Variants in POLE observed in about 807,000 individuals in gnomAD.
POLE encodes the protein DNA polymerase epsilon, catalytic subunit.
POLE carries 188 observed loss-of-function variants against 279.2 expected under a neutral mutation model. That is an observed-to-expected ratio of 0.67 (90% confidence interval 0.60 to 0.76). The LOEUF (loss-of-function observed/expected upper bound fraction) is 0.76. POLE is among the 30% of genes least tolerant of loss of function. POLE has a pLI of 0.00. For synonymous variants in POLE, 1,214 were observed against 1,172.5 expected (o/e 1.04, Z -0.72); for missense variants, 2,703 against 3,016.7 (o/e 0.90, Z 2.44).
At chr12:132,641,139 G>A (rs1204995767) in intron 39 of POLE, 4 of 447,802 alleles carry the variant, frequency 8.9e-6, no homozygotes, top group African/African-American at 2.0e-5. Context: ...GGCAGAATGC[G>A]AAGTGCTCGG....
rs777492973 is a variant in POLE at position 132,642,158 on chromosome 12, C to T, written c.5173+19G>A. ...AACACCAGCCAGGTCTCATGGGCCT[C>T]GTCCTCCCGCCCACTTACCTGTGGA... On this transcript the variant is annotated intron_variant, in intron 38 of 48. Transcript: ENST00000320574. The T allele has an allele frequency of 8.6e-6, 13 of 1,519,084 alleles. No homozygotes were observed. The African/African-American group carries it at 9.7e-5, about 11-fold the overall frequency. The allele number at this position is 1,519,084 out of a possible 1,614,324, so 94.1% of individuals were successfully genotyped here.
In POLE at chr12:132,641,837, C is replaced by G. The variant is rs760583776; in HGVS notation, c.5188G>C (p.Asp1730His). The G allele has an allele frequency of 1.9e-6, 3 of 1,600,234 alleles. No homozygotes were observed. In the Admixed American group the frequency reaches 5.0e-5, roughly 27 times the overall value. ...GTGTTGACGGCCAGGTTCTGAAGGT[C>G]CAGCTCCACACACACTGCACAGGAA... is the stretch of plus-strand genomic sequence containing the variant. ...GCYSTVCVEL[D>H]LQNLAVNTIL... The change falls in exon 39 of 49, where the codon GAC becomes CAC. Residue 1730 changes from aspartate (D) to histidine (H), a missense_variant. Physicochemically the swap from Asp to His is moderately conservative, Grantham distance 81. Transcript: ENST00000320574.
At chr12:132,652,275 T>A (rs555189114) in intron 29 of POLE, among the ~76,000 whole-genome samples, 11 of 150,844 alleles carry the variant, frequency 7.3e-5, no homozygotes, top group Middle Eastern at 3.4e-3. Context: ...CACCCCAGCA[T>A]CATAGTCTCC....
intron 32 of POLE, chr12:132,648,600 G>C: frequency 4.3e-6 from 1 of 232,962 alleles, no homozygotes; most frequent in Non-Finnish European, 8.3e-6. Context: ...GTTGGATGGC[G>C]TAACTTTACA....
At chr12:132,681,099 C>T (rs2043156300) in intron 2 of POLE, 39 bp downstream of exon 2, 2 of 1,610,932 alleles carry the variant, frequency 1.2e-6, no homozygotes, top group South Asian at 2.2e-5. Context: ...AGAAGGGTTG[C>T]AGCCATATTC....
rs1060500837 is a variant in POLE at position 132,668,444 on chromosome 12, G to A, written c.2085C>T (p.Phe695=). 2 of 1,612,618 alleles carry A rather than the reference G, an allele frequency of 1.2e-6. No homozygotes were observed. The highest frequency in any genetic ancestry group is 1.7e-5 in the Admixed American group (1 of 59,796). ...CTGGCCCCTCTGGGAACAAGGGGGG[G>A]AACTTCTCTGACTCCAGCTGGTGCT... ...RIQHQLESEK[F]PPLFPEGPAR... The change falls in exon 19 of 49, where the codon TTC becomes TTT. Residue 695 remains phenylalanine, a synonymous_variant. Transcript: ENST00000320574. The surrounding 1 kb of genome is among the most constrained non-coding windows in gnomAD (Gnocchi z 4.0).
At position 132,642,262 on chromosome 12, in the gene POLE, T is replaced by C. The variant is rs1555222476; in HGVS notation, c.5088A>G (p.Gly1696=). ...CAAGACAGTTGTCATCAGCCTCCTT[T>C]CCACCCAGGTCAGGGCGGGCTGTAG... The part of the protein sequence containing the change: ...LSPTARPDLG[G]KEADDNCLVM... Residue 1696 remains glycine (G), a synonymous_variant, in exon 38 of 49, where the codon GGA becomes GGG. Transcript: ENST00000320574. 1 of 1,611,442 alleles carries C rather than the reference T, an allele frequency of 6.2e-7. No individual in the cohort carries two copies. Among genetic ancestry groups the C allele is most frequent in the Non-Finnish European group, 8.5e-7 (1 of 1,178,788 alleles).
intron 1 of POLE, 64 bp from the exon 2 acceptor site, chr12:132,681,343 CTTTTT>C (rs71453158): frequency 5.9e-6 from 9 of 1,522,902 alleles, no homozygotes; most frequent in African/African-American, 4.2e-5. Flanking sequence ...TTCTTTTTTT[CTTTTT>C]TTTCTTTTTT....
At chr12:132,635,493 A>G (rs1003071192) in intron 42 of POLE, among the ~76,000 whole-genome samples, 3 of 152,228 alleles carry the variant, frequency 2.0e-5, no homozygotes, top group Non-Finnish European at 4.4e-5. Context: ...CTGCCCTGCC[A>G]TGCCCAAGTT....
chr12:132,641,561 C>A (rs1385214436), intron 39 of POLE, 86 bp downstream of exon 39: 4 of 1,157,404 alleles, frequency 3.5e-6, no homozygotes, highest in Admixed American at 2.0e-5. Context: ...GCCCAATGGA[C>A]CCTGTCTTAG....
rs2042758906 is a variant in POLE at position 132,664,973 on chromosome 12, T to C, written c.2468+329A>G. On this transcript the variant is annotated intron_variant, in intron 21 of 48. Coordinates refer to ENST00000320574, the MANE Select transcript of POLE (RefSeq NM_006231.4). This position sits in a 1 kb window ranked among gnomAD's most constrained non-coding sequence, Gnocchi z 5.3. ...ACACGCAGACATGCTGTGAAGCAACTGCCCGACACTCTGCAAGTCCCTGAG... is the reference window on the plus strand; with the variant it reads ...ACACGCAGACATGCTGTGAAGCAACCGCCCGACACTCTGCAAGTCCCTGAG... Among the ~76,000 whole-genome samples the C allele has an allele frequency of 6.9e-6, 1 of 145,582 alleles. No individual in the cohort carries two copies. Among genetic ancestry groups the C allele is most frequent in the South Asian group, 2.3e-4 (1 of 4,378 alleles).
At chr12:132,648,828 T>A (rs1315998776) in intron 32 of POLE, 101 bp downstream of exon 32, 1 of 1,238,798 alleles carries the variant, frequency 8.1e-7, no homozygotes, top group Non-Finnish European at 1.1e-6. Context: ...AACATCCCCA[T>A]AAGGTACTGA....
At chr12:132,641,000 T>C (rs1261922643) in intron 39 of POLE, 1 of 456,694 alleles carries the variant, frequency 2.2e-6, no homozygotes, top group East Asian at 7.0e-5. Flanking sequence ...TTACAAAGAC[T>C]TGTTTTTGAG....
At chr12:132,648,814 C>T (rs1158703185) in intron 32 of POLE, 115 bp downstream of exon 32, 9 of 1,171,700 alleles carry the variant, frequency 7.7e-6, no homozygotes, top group Non-Finnish European at 1.1e-5. Context: ...TGAGGAATTC[C>T]TAGAACATCC....
rs5745091 is a variant in POLE, at chr12:132,624,077, T to C, written c.*620A>G. On this transcript the variant is annotated 3_prime_UTR_variant, in exon 49 of 49. Transcript: ENST00000320574. ...AGAGGTCTTGTTTTCCTGAGGCTGA[T>C]AGAGGGTTCCCTCTAGACCCGGCTC... 1,425 of 207,600 alleles carry C rather than the reference T, an allele frequency of 6.9e-3. 24 individuals are homozygous for C. The highest frequency in any genetic ancestry group is 0.03 in the African/African-American group (1,309 of 43,870). The allele number at this position is 207,600 out of a possible 1,614,324, so 12.9% of individuals were successfully genotyped here. A position where few individuals can be genotyped will look rare whatever the true frequency, so the allele number is the denominator to read the frequency against.
intron 43 of POLE, 192 bp downstream of exon 43, chr12:132,633,994 G>C (rs796377985): frequency 3.7e-6 from 2 of 540,510 alleles, no homozygotes; most frequent in East Asian, 6.1e-5. Context: ...ACCCCTCTCC[G>C]GGCCCTCCAG....
Position 132,642,306 on chromosome 12 carries a change from G to A in POLE, c.5044C>T (p.His1682Tyr), listed in dbSNP as rs774930613. The change falls in exon 38 of 49, where the codon CAC becomes TAC. Residue 1682 changes from histidine to tyrosine, a missense_variant. Coordinates refer to ENST00000320574, the MANE Select transcript of POLE (RefSeq NM_006231.4). Reference sequence around the variant, plus strand: ...GCTGTAGGGGACAGCCAGAGCAGGTGGTTGTGGCGCTGGAGGTGGCGGGCA... The same window carrying A: ...GCTGTAGGGGACAGCCAGAGCAGGTAGTTGTGGCGCTGGAGGTGGCGGGCA... ...FFARHLQRHN[H>Y]LLWLSPTARP... 3 of 1,602,906 alleles carry A rather than the reference G, an allele frequency of 1.9e-6. No homozygotes were observed. Among genetic ancestry groups the A allele is most frequent in the African/African-American group, 1.3e-5 (1 of 74,520 alleles).
At chr12:132,676,720 C>A in intron 8 of POLE, 67 bp from the exon 9 acceptor site, 1 of 940,490 alleles carries the variant, frequency 1.1e-6, no homozygotes. Context: ...GAACACCCAC[C>A]CCCAGCCTGC....
rs2042853226 is a variant in POLE, at chr12:132,668,660, C to T, written c.2001G>A (p.Met667Ile). 1 of 1,613,350 alleles carries T rather than the reference C, an allele frequency of 6.2e-7. No homozygotes were observed. The highest frequency in any genetic ancestry group is 1.1e-5 in the South Asian group (1 of 91,076). Residue 667 changes from methionine to isoleucine, a missense_variant, in exon 18 of 49, where the codon ATG (methionine) becomes ATA (isoleucine). Around this residue, in one of 5 missense-constraint regions of POLE, gnomAD observed 1,011 missense variants for 1,111.7 expected, o/e 0.91. Coordinates refer to ENST00000320574, the MANE Select transcript of POLE (RefSeq NM_006231.4). This position sits in a 1 kb window ranked among gnomAD's most constrained non-coding sequence, Gnocchi z 4.0. ...TGAACTCGCCCCTCCACTGCCAGGC[C>T]ATCTTCCGCTGGCAGTTTGCTCCAG... The part of the protein sequence containing the change: ...NKPGANCQRK[M>I]AWQWRGEFMP...
Sources: allele counts gnomAD v4.1 joint callset (sites outside exome capture counted in the v4.1 genomes callset), GRCh38; gene constraint gnomAD v4.1.1; regional missense constraint gnomAD v4.1.1; non-coding constraint Gnocchi (gnomAD v3.1); transcripts MANE v1.5; gene names NCBI Gene and HGNC (gene_info 2026-07-23, HGNC 2026-07-21).